The following DLG2 variants were observed in gnomAD, a reference collection of about 807,000 sequenced individuals.
DLG2 encodes the protein discs large MAGUK scaffold protein 2.
In DLG2, 45 loss-of-function variants were observed where a neutral mutation model predicts 132.5. The ratio of observed to expected loss-of-function variants is 0.34; its 90% confidence interval spans 0.27 to 0.44. The LOEUF is 0.44. Ranked by LOEUF, DLG2 falls within the 20% of genes least tolerant of loss-of-function variation. The pLI, the probability that DLG2 is intolerant of heterozygous loss-of-function variation, is 1.00. For synonymous variants in DLG2, 424 were observed against 419.6 expected, an observed-to-expected ratio of 1.01 and a Z score of -0.13; for missense variants, 1,045 against 1,196.9, an observed-to-expected ratio of 0.87 and a Z score of 1.87.
intron 7 of DLG2, among the ~76,000 whole-genome samples, chr11:84,388,647 G>A (rs1488647777): frequency 2.6e-5 from 4 of 151,556 alleles, no homozygotes; most frequent in Admixed American, 6.6e-5. Context: ...CTCTGGCTAC[G>A]AGATGAAGCA....
chr11:84,382,496 G>A (rs774090248), intron 7 of DLG2, among the ~76,000 whole-genome samples: 2 of 152,132 alleles, frequency 1.3e-5, no homozygotes, highest in African/African-American at 2.4e-5. Flanking sequence ...TGTCGAATGA[G>A]ACGTTAAATG....
chr11:83,678,785 T>C (rs534401176), intron 18 of DLG2, among the ~76,000 whole-genome samples: 31 of 152,280 alleles, frequency 2.0e-4, no homozygotes, highest in Non-Finnish European at 4.1e-4. Context: ...GGTACTGATT[T>C]AGGGTAACTT....
intron 4 of DLG2, among the ~76,000 whole-genome samples, chr11:85,250,600 T>C (rs1186883383): frequency 6.6e-6 from 1 of 152,202 alleles, no homozygotes; most frequent in Admixed American, 6.5e-5. Context: ...TAATTGTATG[T>C]AGCTTCTGCT....
chr11:83,993,276 A>G (rs1339001230), intron 11 of DLG2, among the ~76,000 whole-genome samples: 1 of 152,184 alleles, frequency 6.6e-6, no homozygotes, highest in Non-Finnish European at 1.5e-5. Context: ...AAATTGTTCA[A>G]AGACCAAATG....
At chr11:84,076,053 T>A (rs1213732693) in intron 10 of DLG2, among the ~76,000 whole-genome samples, 1 of 152,244 alleles carries the variant, frequency 6.6e-6, no homozygotes, top group Non-Finnish European at 1.5e-5. Flanking sequence ...ATTCTTGCTT[T>A]CCAGAAACCT....
chr11:84,824,422 C>T (rs979168639), intron 6 of DLG2, among the ~76,000 whole-genome samples: 1 of 151,828 alleles, frequency 6.6e-6, no homozygotes, highest in Non-Finnish European at 1.5e-5. Flanking sequence ...ACAGTAAATA[C>T]TATGGGGTTT....
chr11:83,897,384 G>A (rs934292064), intron 15 of DLG2, among the ~76,000 whole-genome samples: 1 of 152,170 alleles, frequency 6.6e-6, no homozygotes, highest in African/African-American at 2.4e-5. Flanking sequence ...CTACCCTTAA[G>A]GGGATACTTT....
intron 4 of DLG2, among the ~76,000 whole-genome samples, chr11:85,262,212 G>A (rs998507492): frequency 6.6e-6 from 1 of 152,144 alleles, no homozygotes; most frequent in African/African-American, 2.4e-5. Context: ...AGTTTTTTAA[G>A]TGGCCATGTG....
intron 3 of DLG2, among the ~76,000 whole-genome samples, chr11:85,425,048 A>AAAAAAC (rs397760004): frequency 6.6e-6 from 1 of 151,464 alleles, no homozygotes; most frequent in Non-Finnish European, 1.5e-5. Context: ...AAAAAAACAA[A>AAAAAAC]CCCACCACAT....
chr11:84,528,510 A>C (rs1456112478), intron 7 of DLG2, among the ~76,000 whole-genome samples: 1 of 152,186 alleles, frequency 6.6e-6, no homozygotes, highest in Non-Finnish European at 1.5e-5. Flanking sequence ...TTCAGAGCCC[A>C]CTCAATGTGA....
chr11:84,203,273 C>T (rs955967240), intron 8 of DLG2, among the ~76,000 whole-genome samples: 17 of 152,110 alleles, frequency 1.1e-4, no homozygotes, highest in Non-Finnish European at 2.2e-4. Context: ...CCATGGAATA[C>T]TATGCAGCCA....
chr11:85,436,063 A>C lies in DLG2; in HGVS notation c.41-150698T>G, dbSNP rs565066873. On this transcript the variant is annotated intron_variant, in intron 3 of 27. Transcript: ENST00000376104. Reference sequence around the variant, plus strand: ...CCTAAAAAAAACAAAAAATGAGTAAAGGATTCTCTGTTTAATAAATGGTGT... The same window carrying C: ...CCTAAAAAAAACAAAAAATGAGTAACGGATTCTCTGTTTAATAAATGGTGT... Among the ~76,000 whole-genome samples the C allele has an allele frequency of 1.8e-4, 27 of 152,344 alleles. No individual in the cohort carries two copies. The East Asian group carries it at 5.2e-3, about 29-fold the overall frequency.
intron 18 of DLG2, among the ~76,000 whole-genome samples, chr11:83,706,506 G>T (rs2084032863): frequency 6.6e-6 from 1 of 152,296 alleles, no homozygotes. Context: ...CCCCAGGAAA[G>T]CAGAGCTTGA....
intron 3 of DLG2, among the ~76,000 whole-genome samples, chr11:85,404,073 T>G (rs531416072): frequency 6.6e-6 from 1 of 152,128 alleles, no homozygotes; most frequent in Admixed American, 6.6e-5. Context: ...TTAACAAGCT[T>G]GAATCATTTT....
At chr11:84,648,865 T>G (rs185602999) in intron 6 of DLG2, among the ~76,000 whole-genome samples, 2 of 152,192 alleles carry the variant, frequency 1.3e-5, no homozygotes, top group African/African-American at 2.4e-5. Flanking sequence ...TTGTACAGCC[T>G]GCAGAACCAT....
intron 3 of DLG2, among the ~76,000 whole-genome samples, chr11:85,445,236 G>A (rs1412442239): frequency 2.0e-5 from 3 of 152,132 alleles, no homozygotes; most frequent in Non-Finnish European, 2.9e-5. Context: ...TTTGGATGGT[G>A]GGGAGAAACA....
chr11:85,053,546 T>C (rs1426176230), intron 6 of DLG2, among the ~76,000 whole-genome samples: 1 of 149,258 alleles, frequency 6.7e-6, no homozygotes, highest in African/African-American at 2.5e-5. Flanking sequence ...CCCAGCACTT[T>C]GGGAGGCCTA....
At chr11:83,903,977 A>G (rs2074113881) in intron 15 of DLG2, among the ~76,000 whole-genome samples, 1 of 152,198 alleles carries the variant, frequency 6.6e-6, no homozygotes, top group African/African-American at 2.4e-5. Context: ...TAAGATATTA[A>G]CAACAATAAC....
At chr11:84,696,438 G>A (rs1212328049) in intron 6 of DLG2, among the ~76,000 whole-genome samples, 1 of 151,508 alleles carries the variant, frequency 6.6e-6, no homozygotes, top group East Asian at 2.0e-4. Flanking sequence ...TAAAACTCCA[G>A]AATGTAGTTT....
Sources: gnomAD v4.1 joint callset for allele counts (sites outside exome capture counted in the v4.1 genomes callset) on GRCh38, gnomAD v4.1.1 for gene constraint, MANE v1.5 for transcripts, NCBI Gene and HGNC (gene_info 2026-07-23, HGNC 2026-07-21) for gene names.